Variants in RAP1GDS1 observed in about 807,000 individuals in gnomAD.
The protein encoded by RAP1GDS1 is RAP1, GTP-GDP dissociation stimulator 1.
A neutral mutation model predicts 71.1 loss-of-function variants in RAP1GDS1; 35 were observed. That is an observed-to-expected ratio of 0.49 (90% confidence interval 0.38 to 0.65). RAP1GDS1 has a LOEUF of 0.65. RAP1GDS1 is among the 30% of genes least tolerant of loss of function. The probability of loss-of-function intolerance (pLI) is 0.00; values close to 1 mark genes in which losing one functional copy is unlikely to be tolerated. For missense variants in RAP1GDS1, 663 were observed against 706.1 expected, an observed-to-expected ratio of 0.94 and a Z score of 0.69; for synonymous variants, 229 against 243.1, an observed-to-expected ratio of 0.94 and a Z score of 0.54.
intron 1 of RAP1GDS1, among the ~76,000 whole-genome samples, chr4:98,273,012 G>A (rs796615524): frequency 2.6e-5 from 4 of 152,012 alleles, no homozygotes; most frequent in Admixed American, 6.6e-5. Context: ...TGAGTTCTTC[G>A]GCAACTTCTC....
In RAP1GDS1 at chr4:98,355,971, C is replaced by T. The variant is rs948926476; in HGVS notation, c.361+3370C>T. ...TTTAAAATGCTTGGTCTCTTTTCTT[C>T]CAGAGAGCTGCAAGGCACTTCATTT... On this transcript the variant is annotated intron_variant, in intron 4 of 14. Transcript: ENST00000408927. Among the ~76,000 whole-genome samples, 3 of 152,096 alleles carry T rather than the reference C, an allele frequency of 2.0e-5. No individual in the cohort carries two copies. In the East Asian group the frequency reaches 5.8e-4, roughly 29 times the overall value.
intron 7 of RAP1GDS1, among the ~76,000 whole-genome samples, chr4:98,414,185 A>C (rs1012979660): frequency 1.4e-5 from 2 of 141,048 alleles, no homozygotes; most frequent in African/African-American, 2.7e-5. Context: ...CTCTGATGGT[A>C]GTTTCTTTTG....
intron 5 of RAP1GDS1, among the ~76,000 whole-genome samples, chr4:98,391,032 A>G (rs1743557578): frequency 6.6e-6 from 1 of 152,132 alleles, no homozygotes; most frequent in South Asian, 2.1e-4. Context: ...CATTGGATGA[A>G]CCAGTTATGG....
intron 2 of RAP1GDS1, among the ~76,000 whole-genome samples, chr4:98,336,083 GAGAT>G (rs1219954939): frequency 3.3e-5 from 5 of 152,036 alleles, no homozygotes; most frequent in Non-Finnish European, 7.4e-5. Flanking sequence ...CAATAGAATG[GAGAT>G]AGATCTTTTG....
intron 7 of RAP1GDS1, among the ~76,000 whole-genome samples, chr4:98,413,670 C>T (rs1193301423): frequency 6.6e-6 from 1 of 151,858 alleles, no homozygotes; most frequent in Non-Finnish European, 1.5e-5. Context: ...AATAATGCCG[C>T]AATAAACATA....
intron 4 of RAP1GDS1, among the ~76,000 whole-genome samples, chr4:98,360,352 C>G (rs1194421631): frequency 6.6e-6 from 1 of 151,980 alleles, no homozygotes; most frequent in Non-Finnish European, 1.5e-5. Flanking sequence ...TGCCTTCCCC[C>G]CCAACCCCAC....
chr4:98,370,187 G>A (rs1740159914), intron 4 of RAP1GDS1, among the ~76,000 whole-genome samples: 1 of 152,142 alleles, frequency 6.6e-6, no homozygotes, highest in Admixed American at 6.5e-5. Context: ...TGAGCATTCA[G>A]AAAAGTGATA....
chr4:98,266,152 TGGAA>T (rs1364726501), intron 1 of RAP1GDS1, among the ~76,000 whole-genome samples: 3 of 152,142 alleles, frequency 2.0e-5, no homozygotes, highest in African/African-American at 7.2e-5. Context: ...ACATTTTACA[TGGAA>T]GGACATGTGC....
intron 12 of RAP1GDS1, among the ~76,000 whole-genome samples, chr4:98,428,119 T>G (rs1749873634): frequency 6.6e-6 from 1 of 152,088 alleles, no homozygotes; most frequent in Non-Finnish European, 1.5e-5. Context: ...GGCACCATAT[T>G]CAACAAATGG....
intron 3 of RAP1GDS1, among the ~76,000 whole-genome samples, chr4:98,347,308 A>G (rs1481977980): frequency 6.6e-6 from 1 of 152,206 alleles, no homozygotes; most frequent in East Asian, 1.9e-4. Flanking sequence ...TTGAGAAAGT[A>G]AAAGAAAGAA....
In RAP1GDS1 at chr4:98,334,643, T is replaced by C. The variant is rs561934435; in HGVS notation, c.113-8496T>C. ...CTTTCAAGTGTTTGATCTGAGATCCTAACTTTTGTGAGCACTATATAGTTC... is the reference window on the plus strand; with the variant it reads ...CTTTCAAGTGTTTGATCTGAGATCCCAACTTTTGTGAGCACTATATAGTTC... On this transcript the variant is annotated intron_variant, in intron 2 of 14. Coordinates refer to ENST00000408927, the MANE Select transcript of RAP1GDS1 (RefSeq NM_001100427.2). 1.4e-4 allele frequency among the ~76,000 whole-genome samples: 21 copies of C among 152,310 alleles called. No individual in the cohort carries two copies. The South Asian group carries it at 4.1e-3, about 30-fold the overall frequency.
intron 2 of RAP1GDS1, among the ~76,000 whole-genome samples, chr4:98,309,262 A>C (rs1729845710): frequency 6.6e-6 from 1 of 152,020 alleles, no homozygotes; most frequent in African/African-American, 2.4e-5. Flanking sequence ...AAAAAGAGGT[A>C]ATTGAAGTAA....
At chr4:98,282,639 A>C (rs914241483) in intron 1 of RAP1GDS1, among the ~76,000 whole-genome samples, 3 of 135,744 alleles carry the variant, frequency 2.2e-5, no homozygotes, top group African/African-American at 8.2e-5. Context: ...CTCTGATCTT[A>C]GTTATCTCTT....
intron 2 of RAP1GDS1, among the ~76,000 whole-genome samples, chr4:98,339,555 T>G (rs1735181472): frequency 6.6e-6 from 1 of 151,968 alleles, no homozygotes; most frequent in South Asian, 2.1e-4. Flanking sequence ...CTGATCACAG[T>G]GCATCGTTTT....
chr4:98,286,264 C>CAAA (rs752872418), intron 1 of RAP1GDS1, among the ~76,000 whole-genome samples: 8 of 102,782 alleles, frequency 7.8e-5, no homozygotes, highest in African/African-American at 2.1e-4. Flanking sequence ...GACCCTGTCT[C>CAAA]AAAAAAAAAA....
chr4:98,341,995 CTCT>C (rs1382524095), intron 2 of RAP1GDS1, among the ~76,000 whole-genome samples: 1 of 152,056 alleles, frequency 6.6e-6, no homozygotes, highest in African/African-American at 2.4e-5. Context: ...CAATATTTTT[CTCT>C]TCTTTTTTGT....
intron 2 of RAP1GDS1, among the ~76,000 whole-genome samples, chr4:98,330,094 C>G (rs192992236): frequency 7.9e-5 from 12 of 152,164 alleles, no homozygotes; most frequent in Non-Finnish European, 1.6e-4. Flanking sequence ...TCCATTTAAC[C>G]CTGAGTTGAC....
chr4:98,344,219 T>C (rs191528445), intron 3 of RAP1GDS1, among the ~76,000 whole-genome samples: 1 of 152,174 alleles, frequency 6.6e-6, no homozygotes, highest in Non-Finnish European at 1.5e-5. Flanking sequence ...TTTTGGTGGT[T>C]GTTAGAAAAT....
At chr4:98,361,325 T>C (rs1318571313) in intron 4 of RAP1GDS1, among the ~76,000 whole-genome samples, 1 of 151,988 alleles carries the variant, frequency 6.6e-6, no homozygotes, top group Non-Finnish European at 1.5e-5. Context: ...TCTTGAACAA[T>C]TGGAGTAATA....
Sources: allele counts gnomAD v4.1 joint callset (sites outside exome capture counted in the v4.1 genomes callset), GRCh38; gene constraint gnomAD v4.1.1; transcripts MANE v1.5; gene names NCBI Gene and HGNC (gene_info 2026-07-23, HGNC 2026-07-21).